Variants in HS6ST3 observed in about 807,000 individuals in gnomAD.
HS6ST3 encodes the protein heparan-sulfate 6-O-sulfotransferase 3.
Under a neutral mutation model 36.7 loss-of-function variants are expected in HS6ST3, and 12 were observed. The ratio of observed to expected loss-of-function variants is 0.33; its 90% CI spans 0.21 to 0.53. HS6ST3 has a LOEUF of 0.53. Ranked by LOEUF, HS6ST3 falls within the 20% of genes least tolerant of loss-of-function variation. HS6ST3 has a pLI of 0.95. For synonymous variants in HS6ST3, 240 were observed against 257.5 expected, an observed-to-expected ratio of 0.93 and a Z score of 0.65; for missense variants, 584 against 640.9, an observed-to-expected ratio of 0.91 and a Z score of 0.96.
chr13:96,357,696 G>A (rs1023977319), intron 1 of HS6ST3, among the ~76,000 whole-genome samples: 1 of 152,044 alleles, frequency 6.6e-6, no homozygotes, highest in African/African-American at 2.4e-5. Context: ...CTGAGTAGCT[G>A]GGACTACAGG....
At chr13:96,484,792 A>G (rs571694501) in intron 1 of HS6ST3, among the ~76,000 whole-genome samples, 1 of 152,338 alleles carries the variant, frequency 6.6e-6, no homozygotes, top group East Asian at 1.9e-4. Flanking sequence ...TATTGTAAAT[A>G]ATGCTGCAAT....
At chr13:96,664,211 T>C (rs2056655898) in intron 1 of HS6ST3, among the ~76,000 whole-genome samples, 1 of 152,158 alleles carries the variant, frequency 6.6e-6, no homozygotes. Flanking sequence ...TGCAACATAG[T>C]GTATGTGTGT....
In HS6ST3 at chr13:96,363,770, A is replaced by G. The variant is rs562419680; in HGVS notation, c.707+272201A>G. Among the ~76,000 whole-genome samples the G allele has an allele frequency of 4.6e-5, 7 of 152,308 alleles. No homozygotes were observed. In the South Asian group the frequency reaches 1.2e-3, roughly 27 times the overall value. On this transcript the variant is annotated intron_variant, in intron 1 of 1. Coordinates refer to ENST00000376705, the MANE Select transcript of HS6ST3 (RefSeq NM_153456.4). ...AGGTTATAGATGAGAGAAACAAAAGATGAGAAGGAAAGGGTGAGATGAAAA... is the reference window on the plus strand; with the variant it reads ...AGGTTATAGATGAGAGAAACAAAAGGTGAGAAGGAAAGGGTGAGATGAAAA...
intron 1 of HS6ST3, among the ~76,000 whole-genome samples, chr13:96,481,100 C>G (rs1457536939): frequency 6.6e-6 from 1 of 152,022 alleles, no homozygotes; most frequent in East Asian, 1.9e-4. Flanking sequence ...TCTTGATATT[C>G]TCTGCATAAT....
intron 1 of HS6ST3, among the ~76,000 whole-genome samples, chr13:96,355,000 A>G (rs2055202497): frequency 6.6e-6 from 1 of 152,140 alleles, no homozygotes; most frequent in Non-Finnish European, 1.5e-5. Context: ...TTAAGCAACT[A>G]AACAAAAAAC....
intron 1 of HS6ST3, among the ~76,000 whole-genome samples, chr13:96,766,678 G>T (rs757828069): frequency 7.9e-5 from 12 of 152,120 alleles, no homozygotes; most frequent in Non-Finnish European, 1.6e-4. Context: ...TATTTCTGAG[G>T]CAACCTTGCA....
chr13:96,839,136 G>C lies in HS6ST3; in HGVS notation c.*5938G>C, dbSNP rs1307206797. The C allele has an allele frequency of 6.6e-6, 1 of 152,150 alleles. No homozygotes were observed. The highest frequency in any genetic ancestry group is 1.5e-5 in the Non-Finnish European group (1 of 68,012). The allele number at this position is 152,150 out of a possible 1,614,324, so 9.4% of individuals were successfully genotyped here. A position where few individuals can be genotyped will look rare whatever the true frequency, so the allele number is the denominator to read the frequency against. Reference sequence around the variant, plus strand: ...CAGTGTTTTGAGGAGCAAAAGTTTTGTGTACTTCAGTAATTGTCACATGTG... The same window carrying C: ...CAGTGTTTTGAGGAGCAAAAGTTTTCTGTACTTCAGTAATTGTCACATGTG... On this transcript the variant is annotated 3_prime_UTR_variant, in exon 2 of 2. Transcript: ENST00000376705.
chr13:96,347,759 A>G (rs1332532710), intron 1 of HS6ST3, among the ~76,000 whole-genome samples: 1 of 152,088 alleles, frequency 6.6e-6, no homozygotes, highest in African/African-American at 2.4e-5. Flanking sequence ...TTCTTTTCTC[A>G]ATCACCTATT....
At chr13:96,760,238 C>T (rs1177021586) in intron 1 of HS6ST3, among the ~76,000 whole-genome samples, 2 of 151,942 alleles carry the variant, frequency 1.3e-5, no homozygotes, top group African/African-American at 4.8e-5. Flanking sequence ...AAATAAAAGA[C>T]TCCCTTCCTC....
intron 1 of HS6ST3, chr13:96,574,221 A>C: frequency 2.0e-6 from 1 of 489,176 alleles, no homozygotes; most frequent in Non-Finnish European, 4.1e-6. Flanking sequence ...ACTAACTTTG[A>C]GGATGCTAGT....
intron 1 of HS6ST3, among the ~76,000 whole-genome samples, chr13:96,098,971 T>C (rs1471586132): frequency 6.6e-6 from 1 of 152,116 alleles, no homozygotes; most frequent in African/African-American, 2.4e-5. Context: ...TGAGATGGAG[T>C]CTCGCTCTGT....
chr13:96,616,669 A>G (rs2056475396), intron 1 of HS6ST3, among the ~76,000 whole-genome samples: 1 of 152,218 alleles, frequency 6.6e-6, no homozygotes, highest in Admixed American at 6.5e-5. Context: ...CAGAACTATT[A>G]GAAAAAATAG....
intron 1 of HS6ST3, among the ~76,000 whole-genome samples, chr13:96,506,200 T>A (rs1055236314): frequency 1.3e-5 from 2 of 152,120 alleles, no homozygotes; most frequent in African/African-American, 4.8e-5. Flanking sequence ...ATAATAATAG[T>A]AATAGCTTGG....
intron 1 of HS6ST3, among the ~76,000 whole-genome samples, chr13:96,690,773 T>C (rs942927388): frequency 6.6e-6 from 1 of 152,092 alleles, no homozygotes. Flanking sequence ...CATGGGAAGG[T>C]CTTATCAATT....
At chr13:96,179,091 A>G (rs188086892) in intron 1 of HS6ST3, among the ~76,000 whole-genome samples, 10 of 152,308 alleles carry the variant, frequency 6.6e-5, no homozygotes, top group African/African-American at 2.2e-4. Context: ...AGACTCCACT[A>G]AGTAGTAAAA....
At chr13:96,808,578 T>A (rs1878249722) in intron 1 of HS6ST3, among the ~76,000 whole-genome samples, 1 of 152,196 alleles carries the variant, frequency 6.6e-6, no homozygotes. Flanking sequence ...AAGTCTTTGT[T>A]GTTTTTAGTC....
At chr13:96,651,977 A>G (rs1463540325) in intron 1 of HS6ST3, among the ~76,000 whole-genome samples, 1 of 152,116 alleles carries the variant, frequency 6.6e-6, no homozygotes, top group Non-Finnish European at 1.5e-5. Flanking sequence ...GTCATGACAC[A>G]TATCAGACAT....
intron 1 of HS6ST3, among the ~76,000 whole-genome samples, chr13:96,333,978 C>G (rs796218183): frequency 6.6e-6 from 1 of 152,044 alleles, no homozygotes; most frequent in South Asian, 2.1e-4. Flanking sequence ...TCTGCAGGTT[C>G]TGGGACATAG....
intron 1 of HS6ST3, among the ~76,000 whole-genome samples, chr13:96,332,225 G>GT (rs1437655304): frequency 1.3e-5 from 2 of 151,922 alleles, no homozygotes; most frequent in African/African-American, 4.8e-5. Context: ...TTCCTGTTTT[G>GT]TTTTTTTATT....
Sources: gnomAD v4.1 joint callset for allele counts (sites outside exome capture counted in the v4.1 genomes callset) on GRCh38, gnomAD v4.1.1 for gene constraint, MANE v1.5 for transcripts, NCBI Gene and HGNC (gene_info 2026-07-23, HGNC 2026-07-21) for gene names.